The following HOMER1 variants were observed in gnomAD, a reference collection of about 807,000 sequenced individuals.
HOMER1 encodes homer protein homolog 1.
A neutral mutation model predicts 48.9 loss-of-function variants in HOMER1; 3 were observed. The ratio of observed to expected loss-of-function variants is 0.06; its 90% CI spans 0.03 to 0.16. HOMER1 has a LOEUF of 0.16. Among genes scored for constraint, HOMER1 ranks in the 10% least tolerant of loss-of-function variants. HOMER1 has a pLI of 1.00. For missense variants in HOMER1, 247 were observed against 411.4 expected, an observed-to-expected ratio of 0.60 and a Z score of 3.46; for synonymous variants, 134 against 146.4, an observed-to-expected ratio of 0.92 and a Z score of 0.61.
chr5:79,456,813 A>G, intron 2 of HOMER1, 49 bp downstream of exon 2: 1 of 1,554,398 alleles, frequency 6.4e-7, no homozygotes, highest in Non-Finnish European at 8.8e-7. Flanking sequence ...AAAATGTCAT[A>G]CTGAAAAAAG....
chr5:79,379,125 A>T lies in HOMER1; in HGVS notation c.877-2928T>A, dbSNP rs1188914043. On this transcript the variant is annotated intron_variant, in intron 8 of 8. Transcript: ENST00000334082. The stretch of plus-strand genomic sequence containing the variant: ...ATATATATATATATAAAATATATAA[A>T]TATTTATTTATATATAAAAATTATT... 5.5e-4 allele frequency among the ~76,000 whole-genome samples: 54 copies of T among 99,028 alleles called. 2 individuals are homozygous for T. Among genetic ancestry groups the T allele is most frequent in the African/African-American group, 2.4e-3 (53 of 22,104 alleles). The allele number at this position is 99,028 out of a possible 152,430, so 65.0% of individuals were successfully genotyped here. A position where few individuals can be genotyped will look rare whatever the true frequency, so the allele number is the denominator to read the frequency against.
intron 4 of HOMER1, among the ~76,000 whole-genome samples, chr5:79,442,138 A>G (rs963904714): frequency 2.6e-5 from 4 of 152,200 alleles, no homozygotes; most frequent in Admixed American, 6.5e-5. Flanking sequence ...AACTCTCCCT[A>G]TAACTCCCAC....
chr5:79,386,532 G>A (rs1561343454), intron 8 of HOMER1, among the ~76,000 whole-genome samples: 1 of 152,174 alleles, frequency 6.6e-6, no homozygotes, highest in Non-Finnish European at 1.5e-5. Context: ...TTAGATAGAA[G>A]AAGTAAGTTC....
intron 8 of HOMER1, among the ~76,000 whole-genome samples, chr5:79,387,077 C>A (rs1250636814): frequency 8.3e-6 from 1 of 120,336 alleles, no homozygotes; most frequent in Non-Finnish European, 1.6e-5. Context: ...CTTTCTCTAT[C>A]TCTCTCTCTC....
chr5:79,483,939 G>A (rs546459108), intron 1 of HOMER1, among the ~76,000 whole-genome samples: 22 of 150,966 alleles, frequency 1.5e-4, no homozygotes, highest in Admixed American at 4.0e-4. Context: ...ATGTAATCTC[G>A]GGAGGCTGAA....
At chr5:79,421,368 G>A (rs553109463) in intron 5 of HOMER1, among the ~76,000 whole-genome samples, 2 of 152,322 alleles carry the variant, frequency 1.3e-5, no homozygotes, top group South Asian at 2.1e-4. Context: ...CAGTGGAACT[G>A]AAAGCTTTAG....
At chr5:79,428,314 A>G (rs567596450) in intron 5 of HOMER1, among the ~76,000 whole-genome samples, 1 of 152,308 alleles carries the variant, frequency 6.6e-6, no homozygotes, top group East Asian at 1.9e-4. Flanking sequence ...AAGAGCATCT[A>G]TGAAAAACAT....
intron 1 of HOMER1, among the ~76,000 whole-genome samples, chr5:79,503,065 G>A (rs1415044735): frequency 1.3e-5 from 2 of 152,018 alleles, no homozygotes; most frequent in South Asian, 2.1e-4. Flanking sequence ...GGGATTACAG[G>A]CGTGAGCCAC....
intron 4 of HOMER1, among the ~76,000 whole-genome samples, chr5:79,442,077 A>G (rs895802570): frequency 2.6e-5 from 4 of 152,070 alleles, no homozygotes; most frequent in African/African-American, 9.7e-5. Context: ...TTGACTTTAT[A>G]TCCTTGCTTT....
At chr5:79,399,412 C>T (rs1029204631) in intron 6 of HOMER1, among the ~76,000 whole-genome samples, 2 of 152,160 alleles carry the variant, frequency 1.3e-5, no homozygotes, top group Non-Finnish European at 2.9e-5. Context: ...AACTAAACTG[C>T]GATGGTGCTC....
At chr5:79,469,270 C>T (rs937468119) in intron 1 of HOMER1, among the ~76,000 whole-genome samples, 2 of 152,160 alleles carry the variant, frequency 1.3e-5, no homozygotes, top group African/African-American at 4.8e-5. Flanking sequence ...CGTCAAAAAA[C>T]AATTTACACA....
chr5:79,437,119 C>G (rs2112272799), intron 5 of HOMER1, among the ~76,000 whole-genome samples: 1 of 152,214 alleles, frequency 6.6e-6, no homozygotes, highest in East Asian at 1.9e-4. Context: ...CAGGTAGTAA[C>G]TCCAAATACT....
intron 4 of HOMER1, among the ~76,000 whole-genome samples, chr5:79,443,421 G>A (rs979220198): frequency 6.6e-6 from 1 of 152,148 alleles, no homozygotes; most frequent in African/African-American, 2.4e-5. Context: ...CAGACAGTCT[G>A]GGAGTGGAGC....
intron 1 of HOMER1, among the ~76,000 whole-genome samples, chr5:79,490,959 A>G (rs1482405000): frequency 6.6e-6 from 1 of 150,674 alleles, no homozygotes; most frequent in Non-Finnish European, 1.5e-5. Flanking sequence ...ATAAATAGAT[A>G]AGTTTCTTGG....
At chr5:79,485,359 TCTC>T (rs1752069354) in intron 1 of HOMER1, among the ~76,000 whole-genome samples, 1 of 152,200 alleles carries the variant, frequency 6.6e-6, no homozygotes, top group South Asian at 2.1e-4. Context: ...CCAACTGAGT[TCTC>T]CTCCCACCCC....
rs375581029 is a variant in HOMER1 at position 79,414,808 on chromosome 5, C to T, written c.528-12753G>A. Among the ~76,000 whole-genome samples, 71 of 152,246 alleles carry T rather than the reference C, an allele frequency of 4.7e-4. No individual in the cohort carries two copies. The East Asian group carries it at 9.3e-3, about 20-fold the overall frequency. On this transcript the variant is annotated intron_variant, in intron 5 of 8. Transcript: ENST00000334082. Reference sequence around the variant, plus strand: ...CTTCCATCTCAGACTCCTTCTCTGCCTAACATCCACCACCTTTGCAACATA... The same window carrying T: ...CTTCCATCTCAGACTCCTTCTCTGCTTAACATCCACCACCTTTGCAACATA...
intron 1 of HOMER1, among the ~76,000 whole-genome samples, chr5:79,492,825 T>G (rs10071082): frequency 0.27 from 39,450 of 148,698 alleles, 5,796 homozygotes; most frequent in South Asian, 0.48. Flanking sequence ...TATATTAAAA[T>G]AACAGAATAG....
chr5:79,475,297 T>A (rs1016631544), intron 1 of HOMER1, among the ~76,000 whole-genome samples: 6 of 100,386 alleles, frequency 6.0e-5, no homozygotes, highest in African/African-American at 2.3e-4. Context: ...CGTATCTTTA[T>A]CTTATACTGA....
chr5:79,446,251 C>T (rs757625857), intron 4 of HOMER1, among the ~76,000 whole-genome samples: 14 of 152,182 alleles, frequency 9.2e-5, no homozygotes, highest in Non-Finnish European at 1.8e-4. Flanking sequence ...ACCACCCCTA[C>T]AGTTTAGAGC....
Sources: allele counts gnomAD v4.1 joint callset (sites outside exome capture counted in the v4.1 genomes callset), GRCh38; gene constraint gnomAD v4.1.1; transcripts MANE v1.5; gene names NCBI Gene and HGNC (gene_info 2026-07-23, HGNC 2026-07-21).